PANK2: variants seen among roughly 807,000 people sequenced by gnomAD.
PANK2 encodes pantothenate kinase 2, mitochondrial.
In PANK2, 36 loss-of-function variants were observed where a neutral mutation model predicts 43.1. The observed-to-expected ratio is 0.84, with a 90% CI of 0.64 to 1.10. PANK2 has a LOEUF of 1.10. Ranked by LOEUF, PANK2 falls within the 50% of genes least tolerant of loss-of-function variation. The pLI, the probability that PANK2 is intolerant of heterozygous loss-of-function variation, is 0.00. For missense variants in PANK2, 576 were observed against 593.3 expected (o/e 0.97, Z 0.30); for synonymous variants, 281 against 238.2 (o/e 1.18, Z -1.66).
chr20:3,897,052 A>G (rs933398754), intron 1 of PANK2, among the ~76,000 whole-genome samples: 17 of 152,276 alleles, frequency 1.1e-4, no homozygotes, highest in African/African-American at 4.1e-4. Flanking sequence ...CTCCAGGTAC[A>G]TAGTCGTTGG....
chr20:3,901,695 A>G (rs2090304814), intron 1 of PANK2: 1 of 778,782 alleles, frequency 1.3e-6, no homozygotes, highest in Admixed American at 6.3e-5. Flanking sequence ...CTTGGATTAA[A>G]AAAAAGTTTC....
intron 1 of PANK2, among the ~76,000 whole-genome samples, chr20:3,904,368 G>T (rs927105155): frequency 6.6e-6 from 1 of 151,936 alleles, no homozygotes; most frequent in Non-Finnish European, 1.5e-5. Flanking sequence ...ATTGCTGGAG[G>T]CCAGGAGTTG....
chr20:3,892,217 G>A (rs973937841), intron 1 of PANK2, among the ~76,000 whole-genome samples: 5 of 152,074 alleles, frequency 3.3e-5, no homozygotes, highest in Admixed American at 2.6e-4. Context: ...GGTGGTGCAT[G>A]CCTGTAATCC....
intron 3 of PANK2, 145 bp downstream of exon 3, chr20:3,910,975 T>A (rs1600543381): frequency 9.6e-7 from 1 of 1,043,492 alleles, no homozygotes; most frequent in East Asian, 2.5e-5. Flanking sequence ...TTGAAAATTC[T>A]GATTTTATGA....
At chr20:3,898,889 TG>T (rs1039884098) in intron 1 of PANK2, among the ~76,000 whole-genome samples, 4 of 152,040 alleles carry the variant, frequency 2.6e-5, no homozygotes, top group South Asian at 2.1e-4. Context: ...TTTGTTTGTT[TG>T]TTTTGGGAAA....
chr20:3,897,070 T>C (rs918943810), intron 1 of PANK2, among the ~76,000 whole-genome samples: 6 of 152,260 alleles, frequency 3.9e-5, no homozygotes, highest in Middle Eastern at 6.8e-3. Flanking sequence ...TGGAATTGCA[T>C]TGGAGGGCAC....
At chr20:3,899,076 A>G (rs910788539) in intron 1 of PANK2, among the ~76,000 whole-genome samples, 2 of 151,622 alleles carry the variant, frequency 1.3e-5, no homozygotes, top group African/African-American at 2.4e-5. Flanking sequence ...GGGTTTCACC[A>G]TCTTGGCCAG....
At chr20:3,910,308 G>GTT (rs1303907508) in intron 2 of PANK2, among the ~76,000 whole-genome samples, 3 of 124,160 alleles carry the variant, frequency 2.4e-5, no homozygotes, top group East Asian at 2.8e-4. Context: ...TTTTTTTTTT[G>GTT]TTTTTTTTGT....
In PANK2 at chr20:3,908,134, A is replaced by C. The variant is rs1257562290; in HGVS notation, c.507A>C (p.Lys169Asn). ...AGGACCTGACTCTGTGTGGACGCAA[A>C]GGCAATCTGCACTTTATACGCTTTC... The change falls in exon 2 of 7, where the codon AAA becomes AAC. Residue 169 changes from lysine to asparagine, a missense_variant. Transcript: ENST00000610179. 2 of 1,614,062 alleles carry C rather than the reference A, an allele frequency of 1.2e-6. No homozygotes were observed. Among genetic ancestry groups the C allele is most frequent in the African/African-American group, 2.7e-5 (2 of 74,932 alleles).
chr20:3,888,785 C>T (rs919907200), upstream of PANK2: 30 of 348,758 alleles, frequency 8.6e-5, no homozygotes, highest in Non-Finnish European at 1.3e-4. Flanking sequence ...CCTTTCATTC[C>T]TTCTGGTACC....
At chr20:3,904,489 C>T (rs1413390742) in intron 1 of PANK2, among the ~76,000 whole-genome samples, 1 of 152,054 alleles carries the variant, frequency 6.6e-6, no homozygotes, top group African/African-American at 2.4e-5. Flanking sequence ...ATTGCTTGAG[C>T]CCAGGAGTTC....
Position 3,924,740 on chromosome 20 carries a change from C to T in PANK2, c.*1446C>T, listed in dbSNP as rs183757398. 4.0e-3 allele frequency: 617 copies of T among 153,588 alleles called. 2 individuals carry two copies. Among genetic ancestry groups the T allele is most frequent in the Admixed American group, 4.0e-3 (62 of 15,314 alleles). 9.5% of individuals were successfully genotyped at this position (153,588 alleles called of 1,614,324 possible). A position where few individuals can be genotyped will look rare whatever the true frequency, so the allele number is the denominator to read the frequency against. ...TCCTGAGTTCCTCTGCCCTCCTCTG[C>T]TGCCAGCAGCGCTGTTGGTGGCCTC... is the stretch of plus-strand genomic sequence containing the variant. On this transcript the variant is annotated 3_prime_UTR_variant, in exon 7 of 7. Transcript: ENST00000610179.
At chr20:3,898,659 A>T (rs2090250202) in intron 1 of PANK2, among the ~76,000 whole-genome samples, 1 of 152,102 alleles carries the variant, frequency 6.6e-6, no homozygotes, top group African/African-American at 2.4e-5. Flanking sequence ...CAGAGTTAAT[A>T]GTTTAAAAAT....
chr20:3,896,009 A>AGTGT (rs1367698291), intron 1 of PANK2, among the ~76,000 whole-genome samples: 2 of 152,036 alleles, frequency 1.3e-5, no homozygotes, highest in Non-Finnish European at 2.9e-5. Flanking sequence ...GTCTGGTAAA[A>AGTGT]GTGTAGTTCA....
At chr20:3,912,065 A>G (rs888355674) in intron 3 of PANK2, among the ~76,000 whole-genome samples, 2 of 152,174 alleles carry the variant, frequency 1.3e-5, no homozygotes, top group Admixed American at 6.6e-5. Context: ...CAGGAGGAGT[A>G]TGTTTGGGGG....
At chr20:3,890,365 C>T (rs769120332) in intron 1 of PANK2, among the ~76,000 whole-genome samples, 1 of 152,156 alleles carries the variant, frequency 6.6e-6, no homozygotes, top group Non-Finnish European at 1.5e-5. Context: ...CATTAAGGCT[C>T]TTTGTTTTGA....
intron 1 of PANK2, among the ~76,000 whole-genome samples, chr20:3,897,896 T>G (rs1452294226): frequency 6.6e-6 from 1 of 152,024 alleles, no homozygotes; most frequent in African/African-American, 2.4e-5. Context: ...TCCCAGCTAC[T>G]CGGGAGGCTG....
At chr20:3,888,952 AC>A, upstream of PANK2, 1 of 558,466 alleles carries the variant, frequency 1.8e-6, no homozygotes, top group Admixed American at 3.5e-5. Flanking sequence ...CAGCGGCCAG[AC>A]GCTGCGGGAG....
At chr20:3,910,516 A>G (rs2090451962) in intron 2 of PANK2, 61 bp from the exon 3 acceptor site, 2 of 1,591,912 alleles carry the variant, frequency 1.3e-6, no homozygotes, top group Non-Finnish European at 1.7e-6. Context: ...GCCTTATTGA[A>G]TGGAATTTTT....
Sources: gnomAD v4.1 joint callset for allele counts (sites outside exome capture counted in the v4.1 genomes callset) on GRCh38, gnomAD v4.1.1 for gene constraint, MANE v1.5 for transcripts, NCBI Gene and HGNC (gene_info 2026-07-23, HGNC 2026-07-21) for gene names.